The following STK39 variants were observed in gnomAD, a reference collection of about 807,000 sequenced individuals.
The protein encoded by STK39 is STE20/SPS1-related proline-alanine-rich protein kinase.
STK39 carries 20 observed loss-of-function variants against 77.8 expected under a neutral mutation model. The ratio of observed to expected loss-of-function variants is 0.26; its 90% CI spans 0.18 to 0.37. The LOEUF (loss-of-function observed/expected upper bound fraction) is 0.37. Among genes scored for constraint, STK39 ranks in the 10% least tolerant of loss-of-function variants. STK39 has a pLI of 1.00. For missense variants in STK39, 479 were observed against 656.5 expected (o/e 0.73, Z 2.95); for synonymous variants, 246 against 234.1 (o/e 1.05, Z -0.47).
chr2:168,069,953 G>C (rs1462460848), intron 12 of STK39, among the ~76,000 whole-genome samples: 2 of 152,114 alleles, frequency 1.3e-5, no homozygotes, highest in African/African-American at 4.8e-5. Flanking sequence ...TAAATTTAAA[G>C]ATAAAGTCAA....
intron 1 of STK39, among the ~76,000 whole-genome samples, chr2:168,239,563 C>T (rs984691977): frequency 6.6e-6 from 1 of 152,192 alleles, no homozygotes. Context: ...ACTAAATAAA[C>T]CCCATCATTA....
At chr2:168,074,191 C>T (rs1360988596) in intron 12 of STK39, among the ~76,000 whole-genome samples, 1 of 152,050 alleles carries the variant, frequency 6.6e-6, no homozygotes, top group Non-Finnish European at 1.5e-5. Flanking sequence ...TACATTTAAT[C>T]AAAAGGAAAT....
At chr2:168,084,666 A>C (rs1686322636) in intron 10 of STK39, among the ~76,000 whole-genome samples, 1 of 152,214 alleles carries the variant, frequency 6.6e-6, no homozygotes, top group African/African-American at 2.4e-5. Flanking sequence ...CAGCCACTTA[A>C]AGTGACACCT....
intron 5 of STK39, among the ~76,000 whole-genome samples, chr2:168,150,525 G>A (rs1688251531): frequency 6.6e-6 from 1 of 152,016 alleles, no homozygotes; most frequent in Non-Finnish European, 1.5e-5. Context: ...GTTGCTCACT[G>A]CAGGTGTGAT....
At chr2:168,206,595 C>A (rs1348147895) in intron 1 of STK39, among the ~76,000 whole-genome samples, 1 of 152,172 alleles carries the variant, frequency 6.6e-6, no homozygotes, top group Non-Finnish European at 1.5e-5. Flanking sequence ...GCCACCACGC[C>A]CGGCTGAGAT....
At position 168,025,407 on chromosome 2, in the gene STK39, C is replaced by T. The variant is rs74389548; in HGVS notation, c.1377-8312G>A. On this transcript the variant is annotated intron_variant, in intron 14 of 17. Coordinates refer to ENST00000355999, the MANE Select transcript of STK39 (RefSeq NM_013233.3). ...TGATAGTGATGGCCCACTATCAAGA[C>T]CTGTAGGTTATACCTCTGTAAGAGT... Among the ~76,000 whole-genome samples, 1,513 of 152,258 alleles carry T rather than the reference C, an allele frequency of 9.9e-3. 32 individuals carry two copies. The highest frequency in any genetic ancestry group is 0.035 in the African/African-American group (1,457 of 41,542).
intron 1 of STK39, among the ~76,000 whole-genome samples, chr2:168,223,702 T>A (rs1690235018): frequency 6.6e-6 from 1 of 152,030 alleles, no homozygotes; most frequent in Non-Finnish European, 1.5e-5. Flanking sequence ...TCCAAGTCTC[T>A]GCCTCCTGAT....
chr2:168,163,413 G>A (rs1240519610), intron 4 of STK39, among the ~76,000 whole-genome samples: 1 of 152,192 alleles, frequency 6.6e-6, no homozygotes, highest in African/African-American at 2.4e-5. Flanking sequence ...GTCCTTTTTA[G>A]ATTCCACTCT....
intron 4 of STK39, 111 bp downstream of exon 4, chr2:168,163,628 T>C: frequency 1.3e-6 from 2 of 1,597,028 alleles, no homozygotes; most frequent in Non-Finnish European, 1.7e-6. Context: ...TAAACATCTC[T>C]GCAGAGGTCA....
intron 10 of STK39, among the ~76,000 whole-genome samples, chr2:168,090,012 G>T (rs1025877730): frequency 6.6e-6 from 1 of 152,198 alleles, no homozygotes; most frequent in African/African-American, 2.4e-5. Flanking sequence ...GTAATGTAAA[G>T]ATATGAGTTC....
At chr2:168,193,322 C>T (rs1689386560) in intron 1 of STK39, among the ~76,000 whole-genome samples, 1 of 152,196 alleles carries the variant, frequency 6.6e-6, no homozygotes, top group Non-Finnish European at 1.5e-5. Context: ...CACACACTCT[C>T]ACCCAGAAGC....
intron 10 of STK39, among the ~76,000 whole-genome samples, chr2:168,107,092 C>T (rs538708222): frequency 6.6e-6 from 1 of 152,318 alleles, no homozygotes; most frequent in South Asian, 2.1e-4. Flanking sequence ...ATCTACTTAG[C>T]ATTAATGGCA....
At chr2:168,085,225 C>T (rs1447076674) in intron 10 of STK39, among the ~76,000 whole-genome samples, 1 of 152,212 alleles carries the variant, frequency 6.6e-6, no homozygotes, top group Non-Finnish European at 1.5e-5. Context: ...CAAACACTGA[C>T]TCTTTCTTGT....
chr2:168,052,729 C>T (rs753885046), intron 14 of STK39, among the ~76,000 whole-genome samples: 9 of 152,202 alleles, frequency 5.9e-5, no homozygotes, highest in Non-Finnish European at 1.0e-4. Context: ...CAGGCTACTT[C>T]CTCTAACTCC....
chr2:168,109,543 T>G (rs1037563667), intron 10 of STK39, among the ~76,000 whole-genome samples: 1 of 152,206 alleles, frequency 6.6e-6, no homozygotes, highest in Non-Finnish European at 1.5e-5. Flanking sequence ...GCTGGCATGG[T>G]GTGCAAAAGT....
intron 10 of STK39, among the ~76,000 whole-genome samples, chr2:168,081,531 C>T (rs1010479092): frequency 1.3e-5 from 2 of 152,172 alleles, no homozygotes; most frequent in Non-Finnish European, 2.9e-5. Flanking sequence ...GTGGAAGGGA[C>T]TTGCCTTGTC....
In STK39 at chr2:168,033,501, T is replaced by G. The variant is rs566139157; in HGVS notation, c.1377-16406A>C. On this transcript the variant is annotated intron_variant, in intron 14 of 17. Coordinates refer to ENST00000355999, the MANE Select transcript of STK39 (RefSeq NM_013233.3). Reference sequence around the variant, plus strand: ...TGTGGCCTACTCTGGCCTTGGTATATGTAGCAGAGCTCTGGATGGCTACAA... The same window carrying G: ...TGTGGCCTACTCTGGCCTTGGTATAGGTAGCAGAGCTCTGGATGGCTACAA... Among the ~76,000 whole-genome samples the G allele has an allele frequency of 2.0e-4, 31 of 152,346 alleles. No homozygotes were observed. In the East Asian group the frequency reaches 6.0e-3, roughly 29 times the overall value.
intron 14 of STK39, among the ~76,000 whole-genome samples, chr2:168,029,805 G>T (rs1173425057): frequency 1.3e-5 from 2 of 152,164 alleles, no homozygotes; most frequent in African/African-American, 4.8e-5. Context: ...GTAACATTCT[G>T]CCATGAACAT....
Position 168,217,639 on chromosome 2 carries a change from C to T in STK39, c.208+29589G>A, listed in dbSNP as rs12995897. Among the ~76,000 whole-genome samples, 1,483 of 152,266 alleles carry T rather than the reference C, an allele frequency of 9.7e-3. 10 individuals carry two copies. Among genetic ancestry groups the T allele is most frequent in the Middle Eastern group, 0.027 (8 of 294 alleles). On this transcript the variant is annotated intron_variant, in intron 1 of 17. Coordinates refer to ENST00000355999, the MANE Select transcript of STK39 (RefSeq NM_013233.3). ...ATGTAGTATTTGCATATAACCTATG[C>T]ATATCTTCCTGTATACTTTAATCAT... is the stretch of plus-strand genomic sequence containing the variant.
Sources: allele counts gnomAD v4.1 joint callset (sites outside exome capture counted in the v4.1 genomes callset), GRCh38; gene constraint gnomAD v4.1.1; transcripts MANE v1.5; gene names NCBI Gene and HGNC (gene_info 2026-07-23, HGNC 2026-07-21).